The following WDR7 variants were observed in gnomAD, a reference collection of about 807,000 sequenced individuals.
WDR7 encodes WD repeat domain 7.
WDR7 carries 46 observed loss-of-function variants against 169.4 expected under a neutral mutation model. The observed-to-expected ratio is 0.27, with a 90% CI of 0.21 to 0.35. The LOEUF is 0.35. Among genes scored for constraint, WDR7 ranks in the 10% least tolerant of loss-of-function variants. WDR7 has a pLI of 1.00. For missense variants in WDR7, 1,534 were observed against 1,859.3 expected (o/e 0.83, Z 3.22); for synonymous variants, 612 against 666.8 (o/e 0.92, Z 1.27).
intron 26 of WDR7, among the ~76,000 whole-genome samples, chr18:57,018,198 G>A (rs1267054906): frequency 6.6e-6 from 1 of 152,208 alleles, no homozygotes; most frequent in Non-Finnish European, 1.5e-5. Flanking sequence ...TTGAAACTGA[G>A]GGGCCCAATC....
At chr18:56,890,208 T>C (rs1226011761) in intron 21 of WDR7, among the ~76,000 whole-genome samples, 1 of 152,218 alleles carries the variant, frequency 6.6e-6, no homozygotes. Context: ...ACTGCACCAC[T>C]AAATGGAAGC....
At chr18:56,824,772 T>G (rs17090372) in intron 20 of WDR7, among the ~76,000 whole-genome samples, 1,863 of 152,378 alleles carry the variant, frequency 0.012, 34 homozygotes, top group African/African-American at 0.04. Context: ...CACTATTGTT[T>G]CTGTTTAAAA....
chr18:57,023,931 G>A (rs1489878066), intron 27 of WDR7, among the ~76,000 whole-genome samples: 1 of 152,112 alleles, frequency 6.6e-6, no homozygotes, highest in Non-Finnish European at 1.5e-5. Flanking sequence ...ATGTAAATTT[G>A]TAGTCATTAA....
At chr18:56,685,081 A>G (rs1288517547) in intron 5 of WDR7, among the ~76,000 whole-genome samples, 1 of 152,216 alleles carries the variant, frequency 6.6e-6, no homozygotes, top group African/African-American at 2.4e-5. Flanking sequence ...ACTTAAATCA[A>G]TTAATTTCAA....
chr18:56,690,670 A>G (rs1476478834), intron 7 of WDR7, among the ~76,000 whole-genome samples: 1 of 151,990 alleles, frequency 6.6e-6, no homozygotes, highest in Non-Finnish European at 1.5e-5. Context: ...AGAAATAAAA[A>G]AGTTAGCAGG....
chr18:56,892,210 C>G (rs1364717444), intron 21 of WDR7, among the ~76,000 whole-genome samples: 1 of 152,004 alleles, frequency 6.6e-6, no homozygotes, highest in South Asian at 2.1e-4. Flanking sequence ...AATTATAGAC[C>G]TCTATGAAAT....
chr18:56,845,257 A>G (rs1015954977), intron 20 of WDR7, among the ~76,000 whole-genome samples: 1 of 152,118 alleles, frequency 6.6e-6, no homozygotes, highest in Non-Finnish European at 1.5e-5. Context: ...ACTTGGTTGT[A>G]TATGAAAAGT....
chr18:56,793,851 C>T (rs138232854), intron 19 of WDR7, among the ~76,000 whole-genome samples: 40 of 152,260 alleles, frequency 2.6e-4, no homozygotes, highest in African/African-American at 7.5e-4. Flanking sequence ...ATATGTCAAA[C>T]GTCCTTAGTA....
intron 26 of WDR7, among the ~76,000 whole-genome samples, chr18:57,010,852 GAATC>G (rs1295275218): frequency 1.3e-5 from 2 of 152,116 alleles, no homozygotes; most frequent in Non-Finnish European, 2.9e-5. Flanking sequence ...ACTTTTCTTT[GAATC>G]TGGAAGTTTC....
chr18:56,776,925 A>G (rs1345623739), intron 17 of WDR7, 45 bp downstream of exon 17: 1 of 1,506,018 alleles, frequency 6.6e-7, no homozygotes, highest in Admixed American at 1.7e-5. Flanking sequence ...TCTGTGCTTT[A>G]TTCTGACAGA....
chr18:56,789,156 C>T (rs958565933), intron 19 of WDR7, among the ~76,000 whole-genome samples: 4 of 152,152 alleles, frequency 2.6e-5, no homozygotes, highest in Admixed American at 6.5e-5. Flanking sequence ...GGAATTTGTT[C>T]TTAATCAGTC....
chr18:56,959,895 C>G (rs1409187949), intron 25 of WDR7, among the ~76,000 whole-genome samples: 1 of 152,110 alleles, frequency 6.6e-6, no homozygotes, highest in Non-Finnish European at 1.5e-5. Flanking sequence ...AAAGAGCAGA[C>G]CAGGAGGATG....
chr18:57,030,458 C>T (rs1452996459), downstream of WDR7: 4 of 152,132 alleles, frequency 2.6e-5, 1 homozygote, highest in South Asian at 4.1e-4. Context: ...CATCTCATGA[C>T]TTAAATGTAT....
chr18:56,895,114 A>G (rs2046313415), intron 21 of WDR7, among the ~76,000 whole-genome samples: 1 of 151,940 alleles, frequency 6.6e-6, no homozygotes, highest in Non-Finnish European at 1.5e-5. Context: ...TAATGGTATT[A>G]TTTAGCATGG....
At chr18:56,676,055 G>T (rs1260606805) in intron 2 of WDR7, among the ~76,000 whole-genome samples, 1 of 152,006 alleles carries the variant, frequency 6.6e-6, no homozygotes, top group Non-Finnish European at 1.5e-5. Context: ...TGGGTGCTCT[G>T]GTGCTGGGTG....
chr18:56,883,511 T>G (rs1226992245), intron 21 of WDR7, among the ~76,000 whole-genome samples: 1 of 151,960 alleles, frequency 6.6e-6, no homozygotes, highest in Non-Finnish European at 1.5e-5. Context: ...TTTTTTGTTT[T>G]TTTTTTTTAA....
chr18:56,829,657 C>T (rs1007816006), intron 20 of WDR7, among the ~76,000 whole-genome samples: 1 of 152,134 alleles, frequency 6.6e-6, no homozygotes, highest in African/African-American at 2.4e-5. Context: ...AAAAGCAGTG[C>T]TGATAAAGTT....
chr18:56,979,876 T>G (rs147844946), intron 26 of WDR7, among the ~76,000 whole-genome samples: 183 of 152,376 alleles, frequency 1.2e-3, no homozygotes, highest in African/African-American at 4.1e-3. Context: ...ATTAGCCATT[T>G]CTATACGTTG....
chr18:56,788,578 T>C (rs1183903811), intron 19 of WDR7, among the ~76,000 whole-genome samples: 1 of 152,160 alleles, frequency 6.6e-6, no homozygotes, highest in Admixed American at 6.6e-5. Flanking sequence ...CTGTCCCTCT[T>C]GGTTCCTCAC....
Sources: allele counts gnomAD v4.1 joint callset (sites outside exome capture counted in the v4.1 genomes callset), GRCh38; gene constraint gnomAD v4.1.1; transcripts MANE v1.5; gene names NCBI Gene and HGNC (gene_info 2026-07-23, HGNC 2026-07-21).